The following STT3B variants were observed in gnomAD, a reference collection of about 807,000 sequenced individuals.
STT3B encodes the protein STT3 oligosaccharyltransferase complex catalytic subunit B.
Under a neutral mutation model 96.8 loss-of-function variants are expected in STT3B, and 29 were observed. That is an observed-to-expected ratio of 0.30 (90% CI 0.22 to 0.41). The LOEUF is 0.41. STT3B is among the 10% of genes least tolerant of loss of function. STT3B has a pLI of 1.00. For missense variants in STT3B, 640 were observed against 1,022.3 expected, an observed-to-expected ratio of 0.63 and a Z score of 5.10; for synonymous variants, 367 against 360.0, an observed-to-expected ratio of 1.02 and a Z score of -0.22.
At chr3:31,558,844 C>T (rs1259262173) in intron 1 of STT3B, among the ~76,000 whole-genome samples, 1 of 147,662 alleles carries the variant, frequency 6.8e-6, no homozygotes, top group Admixed American at 6.8e-5. Context: ...TATCATTACT[C>T]ATTTATTGGT....
chr3:31,581,874 C>G lies in STT3B; in HGVS notation c.711+1778C>G, dbSNP rs148568864. On this transcript the variant is annotated intron_variant, in intron 3 of 15. Transcript: ENST00000295770. ...TCTGATTGCTGATTCAGTCTCCTTG[C>G]AAGTTGTCTCTGCAGATTCTCTATT... Among the ~76,000 whole-genome samples the G allele has an allele frequency of 7.0e-4, 106 of 152,314 alleles. 1 individual carries two copies. In the East Asian group the frequency reaches 0.015, roughly 22 times the overall value.
At chr3:31,535,797 A>G (rs561257243) in intron 1 of STT3B, among the ~76,000 whole-genome samples, 1 of 152,338 alleles carries the variant, frequency 6.6e-6, no homozygotes, top group South Asian at 2.1e-4. Flanking sequence ...TCATTTAGCT[A>G]AATTTGTACC....
chr3:31,611,165 A>T (rs1455808653), intron 5 of STT3B, among the ~76,000 whole-genome samples: 1 of 152,186 alleles, frequency 6.6e-6, no homozygotes, highest in African/African-American at 2.4e-5. Context: ...TGAAAACACT[A>T]GAGAACAGTA....
chr3:31,569,369 A>G (rs1270551607), intron 1 of STT3B, among the ~76,000 whole-genome samples: 1 of 152,122 alleles, frequency 6.6e-6, no homozygotes, highest in Non-Finnish European at 1.5e-5. Flanking sequence ...TTTTCCATAA[A>G]TTGAATTCCA....
At chr3:31,627,859 G>A (rs1382413875) in intron 13 of STT3B, among the ~76,000 whole-genome samples, 1 of 152,056 alleles carries the variant, frequency 6.6e-6, no homozygotes, top group Non-Finnish European at 1.5e-5. Context: ...CTAAATTTCT[G>A]TGCATCTTAA....
At chr3:31,617,169 T>A in intron 7 of STT3B, 94 bp downstream of exon 7, 49 of 808,620 alleles carry the variant, frequency 6.1e-5, no homozygotes, top group Non-Finnish European at 7.6e-5. Context: ...ACAGCATGAC[T>A]ACAAAGTGAT....
chr3:31,554,615 G>A (rs139552373), intron 1 of STT3B, among the ~76,000 whole-genome samples: 25 of 152,236 alleles, frequency 1.6e-4, no homozygotes, highest in African/African-American at 5.5e-4. Flanking sequence ...CAGTGCTGGT[G>A]AGTTTTAATT....
intron 5 of STT3B, among the ~76,000 whole-genome samples, chr3:31,603,838 T>A (rs757399409): frequency 1.3e-5 from 2 of 152,170 alleles, no homozygotes; most frequent in African/African-American, 2.4e-5. Flanking sequence ...TTAATCTTTT[T>A]GAGTATTTGA....
chr3:31,626,222 T>C (rs1699534183), intron 13 of STT3B, 95 bp downstream of exon 13: 3 of 1,147,512 alleles, frequency 2.6e-6, no homozygotes, highest in Non-Finnish European at 3.7e-6. Context: ...TGTTTCATCA[T>C]CCTATCCCTC....
chr3:31,572,060 TAATATATTA>T (rs1159024420), intron 1 of STT3B, among the ~76,000 whole-genome samples: 1 of 140,806 alleles, frequency 7.1e-6, no homozygotes, highest in African/African-American at 2.6e-5. Context: ...TATCATATAT[TAATATATTA>T]AATATATTAA....
intron 3 of STT3B, among the ~76,000 whole-genome samples, chr3:31,590,145 T>C (rs2125458180): frequency 6.6e-6 from 1 of 152,178 alleles, no homozygotes; most frequent in East Asian, 1.9e-4. Flanking sequence ...ATAATATTTC[T>C]TTATAAGTCT....
chr3:31,568,696 AT>A (rs537328195), intron 1 of STT3B, among the ~76,000 whole-genome samples: 10 of 152,290 alleles, frequency 6.6e-5, no homozygotes, highest in African/African-American at 2.4e-4. Flanking sequence ...ATATTGTGGT[AT>A]TTTGCTTCAG....
chr3:31,534,840 G>A (rs896339799), intron 1 of STT3B, among the ~76,000 whole-genome samples: 5 of 151,906 alleles, frequency 3.3e-5, no homozygotes, highest in African/African-American at 1.2e-4. Flanking sequence ...TTTTGTTAAC[G>A]TGCAATCACA....
chr3:31,578,341 C>G (rs138764159), intron 2 of STT3B, among the ~76,000 whole-genome samples: 1 of 152,062 alleles, frequency 6.6e-6, no homozygotes, highest in East Asian at 1.9e-4. Context: ...ACATCAGCAC[C>G]TACTTTGAAT....
At chr3:31,557,575 G>A (rs1373216830) in intron 1 of STT3B, among the ~76,000 whole-genome samples, 1 of 151,910 alleles carries the variant, frequency 6.6e-6, no homozygotes, top group Non-Finnish European at 1.5e-5. Context: ...TTTCCTTATA[G>A]AGATCTTTCA....
chr3:31,544,247 G>C (rs1697349119), intron 1 of STT3B, among the ~76,000 whole-genome samples: 1 of 152,090 alleles, frequency 6.6e-6, no homozygotes, highest in African/African-American at 2.4e-5. Flanking sequence ...AGCTCTGACT[G>C]ATCTCATTTA....
At chr3:31,588,473 CTT>C (rs1296140033) in intron 3 of STT3B, among the ~76,000 whole-genome samples, 4 of 151,456 alleles carry the variant, frequency 2.6e-5, no homozygotes. Context: ...AAAAATGTCT[CTT>C]TAGTCATCTG....
At chr3:31,618,087 C>T (rs1699348971) in intron 8 of STT3B, 99 bp downstream of exon 8, 2 of 825,364 alleles carry the variant, frequency 2.4e-6, no homozygotes, top group South Asian at 2.9e-5. Context: ...TCTTGGGCAA[C>T]ACTTCTAAGT....
At chr3:31,580,199 G>C (rs190297150) in intron 3 of STT3B, 103 bp downstream of exon 3, 1 of 1,111,152 alleles carries the variant, frequency 9.0e-7, no homozygotes, top group African/African-American at 1.6e-5. Context: ...ATGTAGTTGC[G>C]TACAGAGATC....
Sources: allele counts gnomAD v4.1 joint callset (sites outside exome capture counted in the v4.1 genomes callset), GRCh38; gene constraint gnomAD v4.1.1; transcripts MANE v1.5; gene names NCBI Gene and HGNC (gene_info 2026-07-23, HGNC 2026-07-21).